ECM2: variants seen among roughly 807,000 people sequenced by gnomAD.
ECM2 encodes the protein extracellular matrix protein 2, female organ and adipocyte specific.
In ECM2, 57 loss-of-function variants were observed where a neutral mutation model predicts 67.5. That is an observed-to-expected ratio of 0.84 (90% CI 0.68 to 1.05). The LOEUF (loss-of-function observed/expected upper bound fraction) is 1.05, where lower values mean the gene tolerates loss of function less well. Ranked by LOEUF, ECM2 falls within the 50% of genes least tolerant of loss-of-function variation. The pLI is 0.00. For synonymous variants in ECM2, 258 were observed against 294.5 expected (o/e 0.88, Z 1.27); for missense variants, 741 against 822.8 (o/e 0.90, Z 1.22).
chr9:92,517,737 G>A lies in ECM2; in HGVS notation c.431C>T (p.Pro144Leu), dbSNP rs1162110781. ...TTCCCCTTCAGGTATAACTGTTTGGGGGCACCTCTGGGGATGGCACATGGT... is the reference window on the plus strand; with the variant it reads ...TTCCCCTTCAGGTATAACTGTTTGGAGGCACCTCTGGGGATGGCACATGGT... ...DETMCHPQRCPQTVIPEGECC... is the reference protein window; with the variant it reads ...DETMCHPQRCLQTVIPEGECC... Residue 144 changes from proline to leucine, a missense_variant, in exon 3 of 10, where the codon CCC becomes CTC. By Grantham distance (98) the Pro-to-Leu change is moderately conservative. Transcript: ENST00000344604. 3 of 1,614,040 alleles carry A rather than the reference G, an allele frequency of 1.9e-6. No individual in the cohort carries two copies. The highest frequency in any genetic ancestry group is 1.6e-4 in the Middle Eastern group (1 of 6,082).
intron 6 of ECM2, among the ~76,000 whole-genome samples, chr9:92,509,141 A>G (rs1052326400): frequency 4.6e-5 from 7 of 151,834 alleles, no homozygotes; most frequent in Admixed American, 1.3e-4. Context: ...TGCACAGAAC[A>G]TGGGGCACGC....
intron 1 of ECM2, among the ~76,000 whole-genome samples, chr9:92,533,328 A>AAAAAAAAAAATATATATAT (rs1554683138): frequency 1.3e-4 from 5 of 38,340 alleles, no homozygotes; most frequent in Non-Finnish European, 1.7e-4. Context: ...AAAAAAAAAA[A>AAAAAAAAAAATATATATAT]ATATATATAT....
At chr9:92,554,782 C>T in the ECM2 span, among the ~76,000 whole-genome samples, 2 of 152,052 alleles carry the variant, frequency 1.3e-5, no homozygotes, top group African/African-American at 2.4e-5. Flanking sequence ...AGACTACAGG[C>T]GCCTGCCACT....
intron 2 of ECM2, among the ~76,000 whole-genome samples, chr9:92,520,954 G>T (rs1370145477): frequency 6.6e-6 from 1 of 152,240 alleles, no homozygotes; most frequent in African/African-American, 2.4e-5. Context: ...AGGGCTGGGA[G>T]TGGGGAGAAA....
intron 9 of ECM2, among the ~76,000 whole-genome samples, chr9:92,498,311 T>C (rs973427789): frequency 6.6e-6 from 1 of 151,898 alleles, no homozygotes; most frequent in African/African-American, 2.4e-5. Flanking sequence ...ATCATAGACG[T>C]TGGGGGAGGG....
At chr9:92,523,040 C>A in intron 1 of ECM2, 147 bp from the exon 2 acceptor site, 4 of 789,100 alleles carry the variant, frequency 5.1e-6, no homozygotes, top group Non-Finnish European at 5.6e-6. Flanking sequence ...GTATTATTGC[C>A]AAATCATAAT....
chr9:92,538,238 A>G (rs1849236419), upstream of ECM2, among the ~76,000 whole-genome samples: 1 of 152,246 alleles, frequency 6.6e-6, no homozygotes, highest in Admixed American at 6.5e-5. Flanking sequence ...TTGGAGAAAC[A>G]GAAGTAACTC....
chr9:92,558,937 A>G, the ECM2 span, among the ~76,000 whole-genome samples: 9 of 151,968 alleles, frequency 5.9e-5, no homozygotes, highest in African/African-American at 2.2e-4. Flanking sequence ...CACAGGCCTC[A>G]CCCAGTTCCC....
At chr9:92,493,984 G>T, downstream of ECM2, 1 of 1,180,920 alleles carries the variant, frequency 8.5e-7, no homozygotes, top group Non-Finnish European at 1.2e-6. Flanking sequence ...TCTCCTGGCG[G>T]CCCTCAGGCC....
intron 1 of ECM2, among the ~76,000 whole-genome samples, chr9:92,530,709 T>A (rs963620510): frequency 6.6e-6 from 1 of 152,212 alleles, no homozygotes; most frequent in African/African-American, 2.4e-5. Context: ...TTTTTCTTTT[T>A]TGACTTTTTA....
chr9:92,497,870 T>C (rs1226537561), intron 9 of ECM2, among the ~76,000 whole-genome samples: 1 of 107,674 alleles, frequency 9.3e-6, no homozygotes, highest in African/African-American at 6.4e-5. Flanking sequence ...AAGAGCTGGT[T>C]GTTTAAAAAA....
At chr9:92,523,745 G>C (rs143831524) in intron 1 of ECM2, among the ~76,000 whole-genome samples, 1 of 152,300 alleles carries the variant, frequency 6.6e-6, no homozygotes, top group African/African-American at 2.4e-5. Flanking sequence ...CTAGGAGCCT[G>C]TACGTCTGTC....
chr9:92,501,368 G>C (rs1032479132), intron 8 of ECM2, among the ~76,000 whole-genome samples: 1 of 152,158 alleles, frequency 6.6e-6, no homozygotes, highest in Non-Finnish European at 1.5e-5. Flanking sequence ...CTGTACGGTT[G>C]ATGCGTTGAA....
At chr9:92,508,285 C>T (rs115280161) in intron 6 of ECM2, among the ~76,000 whole-genome samples, 218 of 152,314 alleles carry the variant, frequency 1.4e-3, no homozygotes, top group African/African-American at 4.8e-3. Flanking sequence ...AGAAGCACTG[C>T]CGGCATGGGG....
intron 2 of ECM2, among the ~76,000 whole-genome samples, chr9:92,521,383 GT>G (rs1263074322): frequency 1.3e-5 from 2 of 152,062 alleles, no homozygotes; most frequent in East Asian, 3.8e-4. Flanking sequence ...TTATTACAAT[GT>G]TTTTAAGTTG....
At chr9:92,519,360 A>C (rs959732338) in intron 2 of ECM2, among the ~76,000 whole-genome samples, 8 of 152,336 alleles carry the variant, frequency 5.3e-5, no homozygotes, top group Middle Eastern at 6.8e-3. Context: ...TAACCAAAGC[A>C]ATCTTGAGAA....
rs1846312430 is a variant in ECM2, at chr9:92,495,733, A to C, written c.*582T>G. The stretch of plus-strand genomic sequence containing the variant: ...CATAATATGATTTTCAAAACCAGGA[A>C]ATTAACATTACAGTAGTGTTTTAAT... On this transcript the variant is annotated 3_prime_UTR_variant, in exon 10 of 10. Transcript: ENST00000344604. 5.4e-6 allele frequency: 5 copies of C among 931,396 alleles called. No homozygotes were observed. The highest frequency in any genetic ancestry group is 1.8e-5 in the African/African-American group (1 of 56,026). 57.7% of individuals were successfully genotyped at this position (931,396 alleles called of 1,614,324 possible).
rs769575122 is a variant in ECM2 at position 92,502,580 on chromosome 9, C to T, written c.1537G>A (p.Val513Ile). Residue 513 changes from valine to isoleucine, a missense_variant, in exon 8 of 10, where the codon GTC becomes ATC. Physicochemically the swap from Val to Ile is conservative, Grantham distance 29 (BLOSUM62 3). Coordinates refer to ENST00000344604, the MANE Select transcript of ECM2 (RefSeq NM_001393.4). ...ICFNHTRKINVIVLRYNKIEE... is the reference protein window; with the variant it reads ...ICFNHTRKINIIVLRYNKIEE... Reference sequence around the variant, plus strand: ...ATTTTGTTATAACGTAGTACAATGACATTGATCTTTCTGGTATGATTGAAA... The same window carrying T: ...ATTTTGTTATAACGTAGTACAATGATATTGATCTTTCTGGTATGATTGAAA... 21 of 1,611,698 alleles carry T rather than the reference C, an allele frequency of 1.3e-5. No homozygotes were observed. The Middle Eastern group carries it at 4.9e-4, about 38-fold the overall frequency.
rs373132212 is a variant in ECM2 at position 92,517,889 on chromosome 9, A to G, written c.293-14T>C. ...GTCCCTTCTTTCCTAGAAGAAAACAAAAGCACAAATTTAAATTTCTTATGT... is the reference window on the plus strand; with the variant it reads ...GTCCCTTCTTTCCTAGAAGAAAACAGAAGCACAAATTTAAATTTCTTATGT... On this transcript the variant is annotated splice_polypyrimidine_tract_variant and intron_variant, in intron 2 of 9. Coordinates refer to ENST00000344604, the MANE Select transcript of ECM2 (RefSeq NM_001393.4). The G allele has an allele frequency of 9.3e-6, 15 of 1,613,238 alleles. No individual in the cohort carries two copies. The highest frequency in any genetic ancestry group is 1.7e-4 in the Middle Eastern group (1 of 6,060).
Sources: allele counts gnomAD v4.1 joint callset (sites outside exome capture counted in the v4.1 genomes callset), GRCh38; gene constraint gnomAD v4.1.1; transcripts MANE v1.5; gene names NCBI Gene and HGNC (gene_info 2026-07-23, HGNC 2026-07-21).